EPHA6: variants seen among roughly 807,000 people sequenced by gnomAD.
EPHA6 encodes EPH receptor A6, also known as ephrin type-A receptor 6.
A neutral mutation model predicts 112.0 loss-of-function variants in EPHA6; 50 were observed. The ratio of observed to expected loss-of-function variants is 0.45; its 90% CI spans 0.36 to 0.56. The LOEUF is 0.56. EPHA6 is among the 20% of genes least tolerant of loss of function. EPHA6 has a pLI of 0.00. For synonymous variants in EPHA6, 529 were observed against 490.7 expected (o/e 1.08, Z -1.03); for missense variants, 1,280 against 1,417.4 (o/e 0.90, Z 1.56).
At chr3:97,036,676 G>T (rs2045109145) in intron 3 of EPHA6, among the ~76,000 whole-genome samples, 1 of 151,928 alleles carries the variant, frequency 6.6e-6, no homozygotes, top group South Asian at 2.1e-4. Flanking sequence ...AGTACCCTTT[G>T]CTGGAGTTTT....
chr3:97,062,049 A>G (rs1323049028), intron 3 of EPHA6, among the ~76,000 whole-genome samples: 2 of 152,224 alleles, frequency 1.3e-5, no homozygotes, highest in Non-Finnish European at 2.9e-5. Context: ...CAGTGACTAT[A>G]TAGCTTCATT....
chr3:96,839,925 G>A (rs888595323), intron 1 of EPHA6, among the ~76,000 whole-genome samples: 5 of 152,106 alleles, frequency 3.3e-5, no homozygotes, highest in African/African-American at 1.2e-4. Context: ...ATGAATGGTG[G>A]TTAGAGAGGG....
intron 2 of EPHA6, among the ~76,000 whole-genome samples, chr3:96,872,842 G>A (rs1297462655): frequency 6.6e-6 from 1 of 151,796 alleles, no homozygotes; most frequent in African/African-American, 2.4e-5. Context: ...AGTTTTTCTG[G>A]CATTTATCCT....
At chr3:97,029,073 T>C (rs1331627513) in intron 3 of EPHA6, among the ~76,000 whole-genome samples, 1 of 151,582 alleles carries the variant, frequency 6.6e-6, no homozygotes, top group Non-Finnish European at 1.5e-5. Context: ...GAATTAAAGT[T>C]AACAGTTCTT....
chr3:97,500,107 T>C (rs2092078773), intron 10 of EPHA6, among the ~76,000 whole-genome samples: 1 of 152,144 alleles, frequency 6.6e-6, no homozygotes, highest in Admixed American at 6.6e-5. Flanking sequence ...TTTAAATTGT[T>C]TTGTTACAAA....
intron 5 of EPHA6, among the ~76,000 whole-genome samples, chr3:97,327,327 A>C (rs537494169): frequency 2.3e-4 from 35 of 152,146 alleles, no homozygotes; most frequent in African/African-American, 8.4e-4. Context: ...TATAAGAAAT[A>C]ATACAGAGAT....
chr3:97,550,505 G>T (rs1021218256), intron 11 of EPHA6, among the ~76,000 whole-genome samples: 7 of 152,182 alleles, frequency 4.6e-5, no homozygotes, highest in African/African-American at 1.7e-4. Flanking sequence ...GAATCAAGGA[G>T]TTAATAGCTT....
intron 15 of EPHA6, among the ~76,000 whole-genome samples, chr3:97,734,619 A>G (rs1014642429): frequency 6.6e-6 from 1 of 152,072 alleles, no homozygotes; most frequent in Non-Finnish European, 1.5e-5. Context: ...TTCCTTTTTT[A>G]CAAACAGCCT....
chr3:97,374,432 T>C (rs1439816711), intron 5 of EPHA6, among the ~76,000 whole-genome samples: 1 of 152,132 alleles, frequency 6.6e-6, no homozygotes, highest in African/African-American at 2.4e-5. Context: ...CTTAATATTC[T>C]CCATGATGTC....
At chr3:97,442,355 G>A (rs557136276) in intron 6 of EPHA6, among the ~76,000 whole-genome samples, 6 of 152,274 alleles carry the variant, frequency 3.9e-5, no homozygotes, top group Admixed American at 3.9e-4. Context: ...GGAGGCCAAG[G>A]CGAGTGGACC....
intron 2 of EPHA6, among the ~76,000 whole-genome samples, chr3:96,965,574 C>T (rs1407638212): frequency 6.6e-6 from 1 of 151,964 alleles, no homozygotes; most frequent in Admixed American, 6.6e-5. Flanking sequence ...TTTTTTCTTA[C>T]AGATATTAAT....
In EPHA6 at chr3:97,755,233, G is replaced by A. The variant is rs1430832362; in HGVS notation, c.*6532G>A. On this transcript the variant is annotated 3_prime_UTR_variant, in exon 18 of 18. Coordinates refer to ENST00000389672, the MANE Select transcript of EPHA6 (RefSeq NM_001080448.3). The stretch of plus-strand genomic sequence containing the variant: ...TGAGGAGGAAAAGTAGCTCTTAAAT[G>A]TTAAATAAAGATGTGGCTTCTATAT... Among the ~76,000 whole-genome samples, 5 of 152,254 alleles carry A rather than the reference G, an allele frequency of 3.3e-5. No homozygotes were observed. The East Asian group carries it at 9.6e-4, about 29-fold the overall frequency.
At chr3:97,349,190 TTA>T (rs2083680608) in intron 5 of EPHA6, among the ~76,000 whole-genome samples, 1 of 152,104 alleles carries the variant, frequency 6.6e-6, no homozygotes, top group Non-Finnish European at 1.5e-5. Context: ...AAATTCAATT[TTA>T]GTCTTATAAA....
At chr3:97,498,242 G>C (rs2092028743) in intron 10 of EPHA6, among the ~76,000 whole-genome samples, 1 of 150,552 alleles carries the variant, frequency 6.6e-6, no homozygotes, top group South Asian at 2.1e-4. Flanking sequence ...TTGTAACGTA[G>C]AGCTCTGCCT....
At chr3:97,172,973 C>A (rs2076739795) in intron 3 of EPHA6, among the ~76,000 whole-genome samples, 2 of 151,998 alleles carry the variant, frequency 1.3e-5, no homozygotes, top group Admixed American at 1.3e-4. Flanking sequence ...TCAGCAACAA[C>A]AAATTTATTT....
rs753388249 is a variant in EPHA6 at position 97,405,240 on chromosome 3, C to A, written c.1697C>A (p.Ala566Asp). The A allele has an allele frequency of 1.4e-5, 22 of 1,611,286 alleles. No individual in the cohort carries two copies. Among genetic ancestry groups the A allele is most frequent in the Non-Finnish European group, 1.7e-5 (20 of 1,178,712 alleles). The change falls in exon 6 of 18, where the codon GCC becomes GAC. Residue 566 changes from alanine to aspartate, a missense_variant. Ala to Asp is a moderately radical substitution (Grantham distance 126, BLOSUM62 -2). Coordinates refer to ENST00000389672, the MANE Select transcript of EPHA6 (RefSeq NM_001080448.3). ...CAAGCACCTGCTTTTTCCAATGGAG[C>A]CATTCTGGACTACGAGATCAAGTAC... Reference protein sequence around the residue: ...SWQAPAFSNGAILDYEIKYYE... With the variant: ...SWQAPAFSNGDILDYEIKYYE...
intron 8 of EPHA6, among the ~76,000 whole-genome samples, chr3:97,476,025 C>A (rs2091361182): frequency 6.6e-6 from 1 of 152,010 alleles, no homozygotes; most frequent in Non-Finnish European, 1.5e-5. Context: ...CCTTAGCTTT[C>A]TATTTTTATA....
At chr3:96,972,424 AACACACACACACACACACAC>A (rs3070424) in intron 2 of EPHA6, among the ~76,000 whole-genome samples, 1 of 144,756 alleles carries the variant, frequency 6.9e-6, no homozygotes, top group Non-Finnish European at 1.5e-5. Flanking sequence ...CACACACACA[AACACACACACACACACACAC>A]ACACACACAC....
At chr3:97,225,032 T>C (rs987756218) in intron 3 of EPHA6, among the ~76,000 whole-genome samples, 2 of 152,200 alleles carry the variant, frequency 1.3e-5, no homozygotes, top group African/African-American at 4.8e-5. Flanking sequence ...CTCCGCTCAC[T>C]GCAAGCTCCG....
Sources: allele counts gnomAD v4.1 joint callset (sites outside exome capture counted in the v4.1 genomes callset), GRCh38; gene constraint gnomAD v4.1.1; transcripts MANE v1.5; gene names NCBI Gene and HGNC (gene_info 2026-07-23, HGNC 2026-07-21).